The following DOK5 variants were observed in gnomAD, a reference collection of about 807,000 sequenced individuals.
DOK5 encodes docking protein 5.
DOK5 carries 27 observed loss-of-function variants against 43.3 expected under a neutral mutation model. The ratio of observed to expected loss-of-function variants is 0.62; its 90% CI spans 0.46 to 0.86. The LOEUF (loss-of-function observed/expected upper bound fraction) is 0.86, where lower values mean the gene tolerates loss of function less well. Ranked by LOEUF, DOK5 falls within the 40% of genes least tolerant of loss-of-function variation. The probability of loss-of-function intolerance (pLI) is 0.00; values close to 1 mark genes in which losing one functional copy is unlikely to be tolerated. For synonymous variants in DOK5, 146 were observed against 140.1 expected (o/e 1.04, Z -0.30); for missense variants, 373 against 392.9 (o/e 0.95, Z 0.43).
chr20:54,611,058 A>T (rs1369318380), intron 6 of DOK5, among the ~76,000 whole-genome samples: 1 of 152,192 alleles, frequency 6.6e-6, no homozygotes, highest in Non-Finnish European at 1.5e-5. Context: ...ACTGTTGGAA[A>T]TTAATTCTAG....
intron 1 of DOK5, among the ~76,000 whole-genome samples, chr20:54,519,231 T>C (rs1212934098): frequency 1.3e-5 from 2 of 152,220 alleles, no homozygotes; most frequent in African/African-American, 4.8e-5. Flanking sequence ...TGTTTTATTG[T>C]GCTCTAGTAG....
chr20:54,551,571 A>G (rs1600696934), intron 1 of DOK5, among the ~76,000 whole-genome samples: 1 of 152,196 alleles, frequency 6.6e-6, no homozygotes, highest in South Asian at 2.1e-4. Context: ...CTATTTTTAT[A>G]TAAGGTGAGT....
chr20:54,649,399 G>A (rs1316004072), intron 7 of DOK5, among the ~76,000 whole-genome samples: 1 of 151,890 alleles, frequency 6.6e-6, no homozygotes, highest in African/African-American at 2.4e-5. Context: ...TGCAGCCGGG[G>A]CGAAAAAAAA....
At chr20:54,564,693 C>T (rs555805259) in intron 2 of DOK5, among the ~76,000 whole-genome samples, 1 of 152,250 alleles carries the variant, frequency 6.6e-6, no homozygotes, top group African/African-American at 2.4e-5. Context: ...ATGTCAATCC[C>T]ATGTTGTAAC....
intron 6 of DOK5, among the ~76,000 whole-genome samples, chr20:54,640,409 G>A (rs569830422): frequency 3.5e-4 from 54 of 152,288 alleles, no homozygotes; most frequent in African/African-American, 1.2e-3. Flanking sequence ...GACTCAGGGC[G>A]TCACAGAAGA....
chr20:54,489,052 A>C (rs6098015), intron 1 of DOK5, among the ~76,000 whole-genome samples: 4,021 of 152,246 alleles, frequency 0.026, 189 homozygotes, highest in African/African-American at 0.091. Flanking sequence ...AGACAAATAG[A>C]AAACTGTGCC....
At chr20:54,587,937 T>G (rs947953290) in intron 2 of DOK5, among the ~76,000 whole-genome samples, 3 of 151,878 alleles carry the variant, frequency 2.0e-5, no homozygotes, top group African/African-American at 7.3e-5. Flanking sequence ...AAGTCAGGGG[T>G]CGTTTCTGAG....
At chr20:54,546,322 G>T (rs1198969078) in intron 1 of DOK5, among the ~76,000 whole-genome samples, 1 of 152,162 alleles carries the variant, frequency 6.6e-6, no homozygotes, top group Non-Finnish European at 1.5e-5. Context: ...TATTTGATTT[G>T]CTTTGGAAAG....
intron 7 of DOK5, among the ~76,000 whole-genome samples, chr20:54,644,723 A>AAAAAAAAAACAAAAAAAAAAAC (rs1555839841): frequency 4.9e-5 from 7 of 142,484 alleles, no homozygotes; most frequent in African/African-American, 2.0e-4. Context: ...AAAAAAAAAA[A>AAAAAAAAAACAAAAAAAAAAAC]ACAAAATTTA....
At chr20:54,637,283 T>A (rs1978869528) in intron 6 of DOK5, among the ~76,000 whole-genome samples, 1 of 152,230 alleles carries the variant, frequency 6.6e-6, no homozygotes, top group Non-Finnish European at 1.5e-5. Context: ...CCAGGCAGCA[T>A]CTTGACTCAC....
At position 54,602,482 on chromosome 20, in the gene DOK5, C is replaced by T. The variant is rs560491574; in HGVS notation, c.600-7906C>T. 4.6e-5 allele frequency among the ~76,000 whole-genome samples: 7 copies of T among 152,224 alleles called. No homozygotes were observed. The South Asian group carries it at 1.2e-3, about 27-fold the overall frequency. ...CGATGTTAAATAAATATGAGTCTCA[C>T]GGTGATAGTCATTTTCTTTTCCATT... On this transcript the variant is annotated intron_variant, in intron 5 of 7. Transcript: ENST00000262593.
intron 1 of DOK5, among the ~76,000 whole-genome samples, chr20:54,519,881 G>C (rs1983333009): frequency 6.6e-6 from 1 of 152,084 alleles, no homozygotes; most frequent in African/African-American, 2.4e-5. Context: ...GATTATCTGT[G>C]GCAAATTTGA....
In DOK5 at chr20:54,632,553, C is replaced by A. The variant is rs186164121; in HGVS notation, c.736-10905C>A. Among the ~76,000 whole-genome samples, 13 of 152,224 alleles carry A rather than the reference C, an allele frequency of 8.5e-5. No homozygotes were observed. The East Asian group carries it at 1.9e-3, about 23-fold the overall frequency. On this transcript the variant is annotated intron_variant, in intron 6 of 7. Transcript: ENST00000262593. ...AACTATTTTCTCTCTTTTTTACTGACCAGATATTGAGGACTAAGGGAGATT... is the reference window on the plus strand; with the variant it reads ...AACTATTTTCTCTCTTTTTTACTGAACAGATATTGAGGACTAAGGGAGATT...
intron 1 of DOK5, among the ~76,000 whole-genome samples, chr20:54,495,363 G>A (rs942449184): frequency 6.6e-6 from 1 of 152,194 alleles, no homozygotes; most frequent in Non-Finnish European, 1.5e-5. Flanking sequence ...ATAGCTCGTT[G>A]TAGCCAGAGG....
At chr20:54,607,437 T>TGTGTGTGTGG (rs1568807511) in intron 5 of DOK5, among the ~76,000 whole-genome samples, 1 of 151,416 alleles carries the variant, frequency 6.6e-6, no homozygotes, top group African/African-American at 2.4e-5. Context: ...TGTGTGTGTG[T>TGTGTGTGTGG]TCCAGATCTT....
chr20:54,484,993 G>C (rs1305390796), intron 1 of DOK5, among the ~76,000 whole-genome samples: 1 of 152,188 alleles, frequency 6.6e-6, no homozygotes, highest in Admixed American at 6.5e-5. Context: ...ACTTCAGCCT[G>C]AACGACAGAG....
intron 5 of DOK5, among the ~76,000 whole-genome samples, chr20:54,598,393 C>A (rs1015678548): frequency 6.6e-6 from 1 of 152,114 alleles, no homozygotes; most frequent in African/African-American, 2.4e-5. Context: ...CTGGCAGGGG[C>A]ACTAATTTTT....
chr20:54,559,512 A>C (rs1367792466), intron 2 of DOK5, among the ~76,000 whole-genome samples: 1 of 152,238 alleles, frequency 6.6e-6, no homozygotes, highest in Non-Finnish European at 1.5e-5. Flanking sequence ...AATGTGAACG[A>C]AAGAGTGTGT....
chr20:54,520,794 CCAACAAAAAA>C (rs1232014440), intron 1 of DOK5, among the ~76,000 whole-genome samples: 1 of 147,616 alleles, frequency 6.8e-6, no homozygotes, highest in Non-Finnish European at 1.5e-5. Flanking sequence ...TCAAAACAAA[CCAACAAAAAA>C]CAACAAAAAA....
Sources: allele counts gnomAD v4.1 joint callset (sites outside exome capture counted in the v4.1 genomes callset), GRCh38; gene constraint gnomAD v4.1.1; transcripts MANE v1.5; gene names NCBI Gene and HGNC (gene_info 2026-07-23, HGNC 2026-07-21).